The following FBXO2 variants were observed in gnomAD, a reference collection of about 807,000 sequenced individuals.
FBXO2 encodes the protein F-box only protein 2.
Under a neutral mutation model 38.6 loss-of-function variants are expected in FBXO2, and 32 were observed. That is an observed-to-expected ratio of 0.83 (90% CI 0.62 to 1.11). The LOEUF is 1.11. FBXO2 is among the 50% of genes most tolerant of loss of function. FBXO2 has a pLI of 0.00. For synonymous variants in FBXO2, 189 were observed against 182.9 expected (o/e 1.03, Z -0.27); for missense variants, 450 against 418.3 (o/e 1.08, Z -0.66).
At chr1:11,649,249 TG>T in intron 4 of FBXO2, 24 bp from the exon 5 acceptor site, 4 of 75,250 alleles carry the variant, frequency 5.3e-5, no homozygotes, top group Non-Finnish European at 9.0e-5. Context: ...GGGAGCGAGG[TG>T]GGGGGCGGGA....
rs1011734299 is a variant in FBXO2, at chr1:11,650,847, A to G, written c.23-13T>C. The G allele has an allele frequency of 6.4e-7, 1 of 1,556,878 alleles. No individual in the cohort carries two copies. The highest frequency in any genetic ancestry group is 1.8e-5 in the Admixed American group (1 of 56,418). ...TGGCCCACGCTCTCTGCAGGCAGGG[A>G]TGGGTGGGAGGCTGTGATTCCTCCA... is the stretch of plus-strand genomic sequence containing the variant. On this transcript the variant is annotated splice_polypyrimidine_tract_variant and intron_variant, in intron 1 of 5. Coordinates refer to ENST00000354287, the MANE Select transcript of FBXO2 (RefSeq NM_012168.6).
chr1:11,650,734 C>G lies in FBXO2; in HGVS notation c.123G>C (p.Ala41=), dbSNP rs61749273. 1.2e-3 allele frequency: 1,411 copies of G among 1,183,808 alleles called. 5 individuals carry two copies. The African/African-American group carries it at 0.012, about 10-fold the overall frequency. 73.3% of individuals were successfully genotyped at this position (1,183,808 alleles called of 1,614,324 possible). A position where few individuals can be genotyped will look rare whatever the true frequency, so the allele number is the denominator to read the frequency against. ...RPEDQQEEEA[A]AAAAYLDELP... is the part of the protein sequence containing the mutation. ...GCTCGTCCAGGTACGCGGCGGCGGC[C>G]GCCGCCTCCTCCTCCTGCTGGTCCT... The change falls in exon 2 of 6, where the codon GCG becomes GCC. Residue 41 remains alanine (A), a synonymous_variant. Transcript: ENST00000354287.
At chr1:11,652,244 G>A (rs1285453222) in intron 1 of FBXO2, among the ~76,000 whole-genome samples, 4 of 152,264 alleles carry the variant, frequency 2.6e-5, no homozygotes, top group South Asian at 2.1e-4. Flanking sequence ...TTCAGGGGCT[G>A]GAGAACAGAG....
chr1:11,652,756 G>A (rs960910649), intron 1 of FBXO2, among the ~76,000 whole-genome samples: 3 of 152,190 alleles, frequency 2.0e-5, no homozygotes, highest in African/African-American at 7.2e-5. Flanking sequence ...AGGCACTGGG[G>A]AAGGGGACAG....
intron 3 of FBXO2, 23 bp from the exon 4 acceptor site, chr1:11,649,897 A>G (rs1450264232): frequency 1.9e-6 from 3 of 1,613,880 alleles, no homozygotes; most frequent in East Asian, 2.2e-5. Flanking sequence ...GAGTTAGGAC[A>G]GAGCGAACGC....
In FBXO2 at chr1:11,650,799, C is replaced by T. The variant is rs774554868; in HGVS notation, c.58G>A (p.Glu20Lys). ...VGQPEEASPE[E>K]QPEEASAEEE... ...TCAGCACTCGCCTCCTCTGGCTGCT[C>T]CTCCGGGCTTGCCTCCTCGGGCTGG... The change falls in exon 2 of 6, where the codon GAG becomes AAG. Residue 20 changes from glutamate (E) to lysine (K), a missense_variant. Physicochemically the swap from Glu to Lys is moderately conservative, Grantham distance 56. Transcript: ENST00000354287. 1.2e-4 allele frequency: 190 copies of T among 1,540,234 alleles called. No homozygotes were observed. Among genetic ancestry groups the T allele is most frequent in the Non-Finnish European group, 1.6e-4 (187 of 1,148,594 alleles).
rs756387325 is a variant in FBXO2, at chr1:11,649,111, G to T, written c.732C>A (p.Asp244Glu). 8.1e-6 allele frequency: 13 copies of T among 1,598,936 alleles called. No individual in the cohort carries two copies. The Admixed American group carries it at 2.0e-4, about 25-fold the overall frequency. Residue 244 changes from aspartate to glutamate, a missense_variant, in exon 5 of 6, where the codon GAC becomes GAA. By Grantham distance (45) the Asp-to-Glu change is conservative. Transcript: ENST00000354287. ...CCTCCATCCAGCCCCCGCCGTCACT[G>T]TCTTGGGGCACTGCCACCTGCCCGC... ...FSSGQVAVPQ[D>E]SDGGGWMEIS...
Position 11,648,811 on chromosome 1 carries a change from G to A in FBXO2, c.774C>T (p.Thr258=), listed in dbSNP as rs375225719. 3.1e-6 allele frequency: 5 copies of A among 1,613,588 alleles called. No individual in the cohort carries two copies. Among genetic ancestry groups the A allele is most frequent in the African/African-American group, 1.3e-5 (1 of 74,948 alleles). The change falls in exon 6 of 6, where the codon ACC becomes ACT. Residue 258 remains threonine (T), a synonymous_variant. Transcript: ENST00000354287. This position sits in a 1 kb window ranked among gnomAD's most constrained non-coding sequence, Gnocchi z 4.2. ...CGAAGCGGACGCCCGGCCCGTAGTCGGTGAAGGTGTGGGAGATCTGGGGGT... is the reference window on the plus strand; with the variant it reads ...CGAAGCGGACGCCCGGCCCGTAGTCAGTGAAGGTGTGGGAGATCTGGGGGT... ...GGWMEISHTF[T]DYGPGVRFVR...
chr1:11,648,862 G>C lies in FBXO2; in HGVS notation c.757-34C>G, dbSNP rs765528793. ...GGAGGTAACAAGAGTCAGCCTCGGA[G>C]GTCCTGAGGCCTCTCCTGCCGCCCC... On this transcript the variant is annotated intron_variant, in intron 5 of 5. Coordinates refer to ENST00000354287, the MANE Select transcript of FBXO2 (RefSeq NM_012168.6). This position sits in a 1 kb window ranked among gnomAD's most constrained non-coding sequence, Gnocchi z 4.2. The C allele has an allele frequency of 4.2e-5, 68 of 1,610,864 alleles. No individual in the cohort carries two copies. The highest frequency in any genetic ancestry group is 5.6e-5 in the Non-Finnish European group (66 of 1,178,392).
At position 11,650,041 on chromosome 1, in the gene FBXO2, C is replaced by A. The variant is rs764871649; in HGVS notation, c.425G>T (p.Gly142Val). ...CTCCTCCACCCTCCAGCCGTCCCCA[C>A]CATGCTCCACGTCACACCAGCCTTC... ...DLEGWCDVEH[G>V]GDGWRVEELP... Residue 142 changes from glycine (G) to valine (V), a missense_variant, in exon 3 of 6, where the codon GGT becomes GTT. Coordinates refer to ENST00000354287, the MANE Select transcript of FBXO2 (RefSeq NM_012168.6). 1 of 1,614,146 alleles carries A rather than the reference C, an allele frequency of 6.2e-7. No individual in the cohort carries two copies. Among genetic ancestry groups the A allele is most frequent in the East Asian group, 2.2e-5 (1 of 44,888 alleles).
At chr1:11,652,175 G>A (rs981612641) in intron 1 of FBXO2, among the ~76,000 whole-genome samples, 14 of 152,224 alleles carry the variant, frequency 9.2e-5, no homozygotes, top group Non-Finnish European at 1.5e-5. Flanking sequence ...CAGGGATGAA[G>A]TGACTTGTTG....
chr1:11,654,089 T>C (rs1471662876), intron 1 of FBXO2: 5 of 448,268 alleles, frequency 1.1e-5, no homozygotes, highest in East Asian at 1.1e-4. Context: ...CCTGGCTAAA[T>C]GGGACCCAGG....
rs1257405715 is a variant in FBXO2, at chr1:11,648,836, TGGA to T, written c.757-11_757-9del. On this transcript the variant is annotated splice_polypyrimidine_tract_variant and intron_variant, in intron 5 of 5. Transcript: ENST00000354287. The surrounding 1 kb of genome is among the most constrained non-coding windows in gnomAD (Gnocchi z 4.2). ...GGTGAAGGTGTGGGAGATCTGGGGGTGGAGGTAACAAGAGTCAGCCTCGGAGGT... is the reference window on the plus strand; with the variant it reads ...GGTGAAGGTGTGGGAGATCTGGGGGTGGTAACAAGAGTCAGCCTCGGAGGT... 1 of 1,609,976 alleles carries T rather than the reference TGGA, an allele frequency of 6.2e-7. No individual in the cohort carries two copies. The highest frequency in any genetic ancestry group is 1.4e-5 in the African/African-American group (1 of 73,706).
chr1:11,648,739 C>T lies in FBXO2; in HGVS notation c.846G>A (p.Trp282Ter). The change falls in exon 6 of 6, where the codon TGG becomes TGA. Residue 282 changes from tryptophan (W) to a stop codon, truncating the protein, a stop_gained. Transcript: ENST00000354287. LOFTEE classifies it high-confidence loss of function. The surrounding 1 kb of genome is among the most constrained non-coding windows in gnomAD (Gnocchi z 4.2). ...GGQDSVYWKG[W>*]FGARVTNSSV... ...TGCTGTTGGTCACCCGGGCCCCGAA[C>T]CAGCCCTTCCAGTAGACGGAGTCCT... The T allele has an allele frequency of 1.2e-6, 2 of 1,613,520 alleles. No individual in the cohort carries two copies. Among genetic ancestry groups the T allele is most frequent in the South Asian group, 1.1e-5 (1 of 91,088 alleles).
chr1:11,652,986 G>T (rs1639555161), intron 1 of FBXO2, among the ~76,000 whole-genome samples: 1 of 152,186 alleles, frequency 6.6e-6, no homozygotes. Context: ...ATGATGTGGG[G>T]ATTTACACCG....
intron 4 of FBXO2, chr1:11,649,555 T>C (rs987453468): frequency 2.4e-5 from 14 of 595,188 alleles, no homozygotes; most frequent in African/African-American, 2.0e-4. Context: ...TACAAACATA[T>C]ATATGTGCAT....
intron 1 of FBXO2, among the ~76,000 whole-genome samples, 180 bp from the exon 2 acceptor site, chr1:11,651,014 C>T (rs1384489640): frequency 6.6e-6 from 1 of 152,236 alleles, no homozygotes; most frequent in East Asian, 1.9e-4. Context: ...ACAGACCAAC[C>T]CCGGATCAGC....
rs1233062284 is a variant in FBXO2, at chr1:11,648,734, C to G, written c.851G>C (p.Gly284Ala). 5 of 1,613,388 alleles carry G rather than the reference C, an allele frequency of 3.1e-6. No individual in the cohort carries two copies. The African/African-American group carries it at 5.3e-5, about 17-fold the overall frequency. ...CACGCTGCTGTTGGTCACCCGGGCC[C>G]CGAACCAGCCCTTCCAGTAGACGGA... is the stretch of plus-strand genomic sequence containing the variant. ...QDSVYWKGWF[G>A]ARVTNSSVWV... is the part of the protein sequence containing the mutation. Residue 284 changes from glycine (G) to alanine (A), a missense_variant, in exon 6 of 6, where the codon GGG (glycine) becomes GCG (alanine). Gly to Ala is a moderately conservative substitution (Grantham distance 60). Transcript: ENST00000354287. This position sits in a 1 kb window ranked among gnomAD's most constrained non-coding sequence, Gnocchi z 4.2.
chr1:11,650,933 G>C, intron 1 of FBXO2, 99 bp from the exon 2 acceptor site: 1 of 1,435,370 alleles, frequency 7.0e-7, no homozygotes, highest in Non-Finnish European at 9.1e-7. Flanking sequence ...ACCCACCGTG[G>C]GACAATCCAC....
Sources: gnomAD v4.1 joint callset for allele counts (sites outside exome capture counted in the v4.1 genomes callset) on GRCh38, gnomAD v4.1.1 for gene constraint, Gnocchi (gnomAD v3.1) non-coding constraint, MANE v1.5 for transcripts, NCBI Gene and HGNC (gene_info 2026-07-23, HGNC 2026-07-21) for gene names.